The following PGS1 variants were observed in gnomAD, a reference collection of about 807,000 sequenced individuals.
The protein encoded by PGS1 is phosphatidylglycerophosphate synthase 1, also known as CDP-diacylglycerol--glycerol-3-phosphate 3-phosphatidyltransferase, mitochondrial.
In PGS1, 44 loss-of-function variants were observed where a neutral mutation model predicts 58.3. The ratio of observed to expected loss-of-function variants is 0.75; its 90% CI spans 0.59 to 0.97. The LOEUF is 0.97. PGS1 is among the 50% of genes least tolerant of loss of function. PGS1 has a pLI of 0.00. For synonymous variants in PGS1, 330 were observed against 311.0 expected (o/e 1.06, Z -0.64); for missense variants, 684 against 731.1 (o/e 0.94, Z 0.74).
chr17:78,401,250 A>G (rs993040663), intron 6 of PGS1, among the ~76,000 whole-genome samples: 4 of 152,176 alleles, frequency 2.6e-5, no homozygotes, highest in Non-Finnish European at 5.9e-5. Context: ...ATAGCTACTC[A>G]GCAATGAACA....
intron 6 of PGS1, among the ~76,000 whole-genome samples, chr17:78,401,861 T>G (rs2083692681): frequency 6.6e-6 from 1 of 151,258 alleles, no homozygotes. Flanking sequence ...CCTAAAATAT[T>G]TACCATCTGA....
At chr17:78,393,566 T>A (rs1227246504) in intron 2 of PGS1, among the ~76,000 whole-genome samples, 1 of 152,180 alleles carries the variant, frequency 6.6e-6, no homozygotes, top group Non-Finnish European at 1.5e-5. Context: ...AGTAGTGTCA[T>A]CTTGGTAGAT....
chr17:78,380,872 G>A (rs751843339), intron 1 of PGS1: 3 of 151,294 alleles, frequency 2.0e-5, no homozygotes, highest in Non-Finnish European at 4.4e-5. Flanking sequence ...TTGAGACAGA[G>A]TCTTGTTCTG....
At position 78,403,686 on chromosome 17, in the gene PGS1, C is replaced by T. The variant is rs1344278314; in HGVS notation, c.999C>T (p.Thr333=). 6.2e-6 allele frequency: 10 copies of T among 1,614,094 alleles called. No homozygotes were observed. The South Asian group carries it at 6.6e-5, about 11-fold the overall frequency. ...CCTTCCACAGCAACTCTCTTTTGAC[C>T]CAGGAAGATGCAGCAGCTGCTGGGG... ...AQTFHSNSLL[T]QEDAAAAGDR... The change falls in exon 7 of 10, where the codon ACC becomes ACT. Residue 333 remains threonine, a synonymous_variant. Transcript: ENST00000262764.
chr17:78,411,781 T>G (rs2084719547), intron 7 of PGS1, among the ~76,000 whole-genome samples: 1 of 152,114 alleles, frequency 6.6e-6, no homozygotes, highest in African/African-American at 2.4e-5. Context: ...GTCCCAGGCC[T>G]GATAGTCTTA....
Position 78,419,641 on chromosome 17 carries a change from T to C in PGS1, c.1647T>C (p.Thr549=), listed in dbSNP as rs765311799. The C allele has an allele frequency of 1.2e-6, 2 of 1,614,056 alleles. No homozygotes were observed. The highest frequency in any genetic ancestry group is 1.7e-6 in the Non-Finnish European group (2 of 1,179,952). The change falls in exon 9 of 10, where the codon ACT becomes ACC. Residue 549 remains threonine, a synonymous_variant. Transcript: ENST00000262764. Reference sequence around the variant, plus strand: ...TGAAGCTGTGGGTGAAGATGGTGACTCCACTGATCAAGAACTTCTTCTGAG... The same window carrying C: ...TGAAGCTGTGGGTGAAGATGGTGACCCCACTGATCAAGAACTTCTTCTGAG... ...RQVKLWVKMV[T]PLIKNFF is the part of the protein sequence containing the mutation.
In PGS1 at chr17:78,399,225, C is replaced by T. The variant is rs1373629078; in HGVS notation, c.512-123C>T. ...GTCCTCTGGCTAGGAGTAGCCCCAG[C>T]TGGTGTGACTGATTCAGGTGGACGG... is the stretch of plus-strand genomic sequence containing the variant. On this transcript the variant is annotated intron_variant, in intron 4 of 9. Transcript: ENST00000262764. 4 of 716,422 alleles carry T rather than the reference C, an allele frequency of 5.6e-6. No individual in the cohort carries two copies. The Admixed American group carries it at 9.4e-5, about 17-fold the overall frequency. 44.4% of individuals were successfully genotyped at this position (716,422 alleles called of 1,614,324 possible). A position where few individuals can be genotyped will look rare whatever the true frequency, so the allele number is the denominator to read the frequency against.
At chr17:78,416,943 A>AGATCTCTGG (rs2085244500) in intron 8 of PGS1, among the ~76,000 whole-genome samples, 1 of 152,116 alleles carries the variant, frequency 6.6e-6, no homozygotes, top group Non-Finnish European at 1.5e-5. Flanking sequence ...CTGCTCTCTG[A>AGATCTCTGG]AGCTGTCTCT....
chr17:78,396,798 C>G (rs1358853617), intron 3 of PGS1, among the ~76,000 whole-genome samples: 2 of 152,228 alleles, frequency 1.3e-5, no homozygotes, highest in Non-Finnish European at 2.9e-5. Flanking sequence ...CTTATGAAAA[C>G]TTTAAATTTC....
intron 6 of PGS1, among the ~76,000 whole-genome samples, chr17:78,401,706 G>A (rs1014577004): frequency 3.9e-5 from 6 of 152,202 alleles, no homozygotes; most frequent in African/African-American, 1.2e-4. Flanking sequence ...GACCCCGACC[G>A]TGATGGTGTG....
intron 1 of PGS1, among the ~76,000 whole-genome samples, chr17:78,384,984 T>C (rs750113239): frequency 7.2e-5 from 11 of 152,242 alleles, no homozygotes; most frequent in Non-Finnish European, 1.6e-4. Context: ...CCAGGCGCTG[T>C]TGACACGCGC....
Position 78,424,173 on chromosome 17 carries a change from G to C in PGS1, c.*123G>C, listed in dbSNP as rs777742126. ...GAGCCCCTGCAGGGACAGTATGGCT[G>C]AGGGTCAGGTGTGCTGCCAGTAAGT... On this transcript the variant is annotated 3_prime_UTR_variant, in exon 10 of 10. Coordinates refer to ENST00000262764, the MANE Select transcript of PGS1 (RefSeq NM_024419.5). The C allele has an allele frequency of 6.3e-7, 1 of 1,597,398 alleles. No individual in the cohort carries two copies. Among genetic ancestry groups the C allele is most frequent in the African/African-American group, 1.3e-5 (1 of 74,894 alleles).
chr17:78,415,232 G>T (rs7225074), intron 8 of PGS1, among the ~76,000 whole-genome samples: 150,276 of 152,312 alleles, frequency 0.99, 74,170 homozygotes, highest in East Asian at 1. Context: ...TCCCAGACGC[G>T]TTGCACCCCA....
At chr17:78,384,262 A>C (rs1398022275) in intron 1 of PGS1, among the ~76,000 whole-genome samples, 1 of 152,082 alleles carries the variant, frequency 6.6e-6, no homozygotes, top group Non-Finnish European at 1.5e-5. Flanking sequence ...TTTGTAACCT[A>C]CGGGAATCCA....
intron 7 of PGS1, among the ~76,000 whole-genome samples, chr17:78,407,859 C>T (rs771642341): frequency 5.3e-5 from 8 of 152,238 alleles, no homozygotes; most frequent in African/African-American, 9.6e-5. Context: ...GGCACCTTCT[C>T]ATGTAAAATG....
intron 1 of PGS1, among the ~76,000 whole-genome samples, chr17:78,386,499 C>G (rs1157719342): frequency 6.6e-6 from 1 of 152,280 alleles, no homozygotes; most frequent in African/African-American, 2.4e-5. Context: ...TAGATGGTGT[C>G]TAGAAAGAGA....
chr17:78,408,031 C>A (rs2084303068), intron 7 of PGS1, among the ~76,000 whole-genome samples: 1 of 152,204 alleles, frequency 6.6e-6, no homozygotes, highest in Non-Finnish European at 1.5e-5. Context: ...TGTGTGATAA[C>A]CATTTGCCGA....
At chr17:78,406,959 CCAGTTACCGCTGAAA>C (rs2084202443) in intron 7 of PGS1, among the ~76,000 whole-genome samples, 1 of 152,226 alleles carries the variant, frequency 6.6e-6, no homozygotes, top group Non-Finnish European at 1.5e-5. Flanking sequence ...AGCTGACTCC[CCAGTTACCGCTGAAA>C]CAGAAACACC....
intron 3 of PGS1, 92 bp downstream of exon 3, chr17:78,396,477 C>A: frequency 1.1e-6 from 1 of 903,404 alleles, no homozygotes; most frequent in Non-Finnish European, 1.7e-6. Flanking sequence ...TGTGGAGCTG[C>A]CTTTCCTTGG....
Sources: gnomAD v4.1 joint callset for allele counts (sites outside exome capture counted in the v4.1 genomes callset) on GRCh38, gnomAD v4.1.1 for gene constraint, MANE v1.5 for transcripts, NCBI Gene and HGNC (gene_info 2026-07-23, HGNC 2026-07-21) for gene names.